The following UTS2B variants were observed in gnomAD, a reference collection of about 807,000 sequenced individuals.
UTS2B encodes urotensin 2B.
A neutral mutation model predicts 19.2 loss-of-function variants in UTS2B; 21 were observed. That is an observed-to-expected ratio of 1.09 (90% CI 0.78 to 1.58). The LOEUF is 1.58. Ranked by LOEUF, UTS2B falls within the 40% of genes most tolerant of loss-of-function variation. The pLI is 0.00. For synonymous variants in UTS2B, 57 were observed against 50.2 expected (o/e 1.14, Z -0.58); for missense variants, 138 against 130.3 (o/e 1.06, Z -0.29).
intron 3 of UTS2B, among the ~76,000 whole-genome samples, chr3:191,310,538 G>A (rs1000524579): frequency 6.6e-6 from 1 of 152,160 alleles, no homozygotes; most frequent in Non-Finnish European, 1.5e-5. Flanking sequence ...TGACATTTGG[G>A]AAAATGCTGC....
rs1717943812 is a variant in UTS2B at position 191,330,506 on chromosome 3, TTAGGTGCTGGATCG to T, written c.-771_-758del. The T allele has an allele frequency of 6.6e-6, 1 of 152,398 alleles. No homozygotes were observed. The highest frequency in any genetic ancestry group is 2.1e-4 in the South Asian group (1 of 4,820). The allele number at this position is 152,398 out of a possible 1,614,324, so 9.4% of individuals were successfully genotyped here. On this transcript the variant is annotated 5_prime_UTR_variant, in exon 1 of 9. Transcript: ENST00000340524. ...GACCTAGCTTTTTTTTGCTGAGATC[TTAGGTGCTGGATCG>T]CCTTATGCCTTGAGTTATCTTTGTT...
At chr3:191,313,236 C>G (rs985476195) in intron 3 of UTS2B, among the ~76,000 whole-genome samples, 4 of 152,140 alleles carry the variant, frequency 2.6e-5, no homozygotes. Context: ...TACAAGTGAT[C>G]CACCCACCTC....
chr3:191,304,146 C>T lies in UTS2B; in HGVS notation c.-125+346G>A, dbSNP rs557117263. Among the ~76,000 whole-genome samples, 15 of 152,196 alleles carry T rather than the reference C, an allele frequency of 9.9e-5. No individual in the cohort carries two copies. In the East Asian group the frequency reaches 2.7e-3, roughly 27 times the overall value. On this transcript the variant is annotated intron_variant, in intron 4 of 8. Transcript: ENST00000340524. The stretch of plus-strand genomic sequence containing the variant: ...CTCATTTTTGTACTTTTAGTAGAGA[C>T]GGGGTTTCACCATGTTGCCCAGGCT...
intron 8 of UTS2B, among the ~76,000 whole-genome samples, chr3:191,274,434 C>T (rs1716174590): frequency 6.6e-6 from 1 of 152,144 alleles, no homozygotes; most frequent in Non-Finnish European, 1.5e-5. Context: ...TCATTATCCG[C>T]ATTTTTAGGC....
At chr3:191,294,630 T>C (rs1283523140) in intron 4 of UTS2B, 1 of 151,870 alleles carries the variant, frequency 6.6e-6, no homozygotes, top group Admixed American at 6.5e-5. Flanking sequence ...GTCTCTTATA[T>C]GTATTCTTCC....
chr3:191,267,725 A>C lies in UTS2B; in HGVS notation c.*691T>G, dbSNP rs1161004032. On this transcript the variant is annotated 3_prime_UTR_variant, in exon 9 of 9. Coordinates refer to ENST00000340524, the MANE Select transcript of UTS2B (RefSeq NM_198152.5). ...GAGATGGTCACATGGGGATGAAGTA[A>C]TTCTTTAACATAACATTTGTATGTA... 1.3e-5 allele frequency: 2 copies of C among 151,620 alleles called. No homozygotes were observed. The highest frequency in any genetic ancestry group is 3.0e-5 in the Non-Finnish European group (2 of 67,640). The allele number at this position is 151,620 out of a possible 1,614,324, so 9.4% of individuals were successfully genotyped here. A position where few individuals can be genotyped will look rare whatever the true frequency, so the allele number is the denominator to read the frequency against.
At chr3:191,283,148 G>A (rs900078717) in intron 4 of UTS2B, among the ~76,000 whole-genome samples, 1 of 152,076 alleles carries the variant, frequency 6.6e-6, no homozygotes, top group African/African-American at 2.4e-5. Flanking sequence ...TTACTAACCC[G>A]TTGCTTTAAT....
chr3:191,289,400 C>T lies in UTS2B; in HGVS notation c.-124-7087G>A, dbSNP rs898167879. ...CTCCGGCCTGGGCAACAGACCAAGA[C>T]TCCATCTCAATAAATAAATAAATAA... On this transcript the variant is annotated intron_variant, in intron 4 of 8. Transcript: ENST00000340524. Among the ~76,000 whole-genome samples, 8 of 139,756 alleles carry T rather than the reference C, an allele frequency of 5.7e-5. No individual in the cohort carries two copies. The South Asian group carries it at 7.3e-4, about 13-fold the overall frequency. The allele number at this position is 139,756 out of a possible 152,430, so 91.7% of individuals were successfully genotyped here.
intron 3 of UTS2B, among the ~76,000 whole-genome samples, chr3:191,312,093 A>G (rs1231319816): frequency 1.3e-5 from 2 of 151,776 alleles, no homozygotes; most frequent in Non-Finnish European, 1.5e-5. Context: ...TGGAGGTTGC[A>G]GCGAGCCGAG....
At chr3:191,279,853 G>GA (rs1716336640) in intron 5 of UTS2B, among the ~76,000 whole-genome samples, 1 of 152,004 alleles carries the variant, frequency 6.6e-6, no homozygotes, top group East Asian at 1.9e-4. Flanking sequence ...AAAAGCAATA[G>GA]AAAATGAGTC....
At chr3:191,316,967 C>G (rs537660309) in intron 2 of UTS2B, among the ~76,000 whole-genome samples, 1 of 152,262 alleles carries the variant, frequency 6.6e-6, no homozygotes. Context: ...GATCCCACGC[C>G]GGGGCTGCCG....
At chr3:191,272,811 A>G (rs1297610366) in intron 8 of UTS2B, among the ~76,000 whole-genome samples, 1 of 150,208 alleles carries the variant, frequency 6.7e-6, no homozygotes, top group Non-Finnish European at 1.5e-5. Flanking sequence ...CAGTGAGCCG[A>G]GGTAGCGTGC....
upstream of UTS2B, among the ~76,000 whole-genome samples, chr3:191,333,497 G>A (rs1365140996): frequency 6.6e-6 from 1 of 152,086 alleles, no homozygotes; most frequent in African/African-American, 2.4e-5. Context: ...CTGGCTACAC[G>A]GCAAACCCAC....
At chr3:191,286,295 A>G (rs1396128063) in intron 4 of UTS2B, among the ~76,000 whole-genome samples, 1 of 152,194 alleles carries the variant, frequency 6.6e-6, no homozygotes, top group African/African-American at 2.4e-5. Context: ...ACAAACATAT[A>G]TAGGACATTT....
upstream of UTS2B, among the ~76,000 whole-genome samples, chr3:191,334,255 C>CT (rs1291841618): frequency 3.9e-5 from 6 of 152,166 alleles, no homozygotes; most frequent in African/African-American, 1.4e-4. Context: ...AAAGAACTGT[C>CT]TGAATTCATA....
intron 2 of UTS2B, among the ~76,000 whole-genome samples, chr3:191,324,733 A>G (rs1336356143): frequency 6.6e-6 from 1 of 152,132 alleles, no homozygotes; most frequent in Non-Finnish European, 1.5e-5. Flanking sequence ...GGCTAATACA[A>G]TGGGGTATAA....
chr3:191,329,759 C>G, intron 1 of UTS2B: 1 of 1,595,934 alleles, frequency 6.3e-7, no homozygotes, highest in Non-Finnish European at 8.5e-7. Context: ...CGGGACCCTC[C>G]CCTCTCCCAG....
intron 4 of UTS2B, among the ~76,000 whole-genome samples, chr3:191,294,256 C>T (rs1421304347): frequency 2.6e-5 from 4 of 151,836 alleles, no homozygotes; most frequent in Non-Finnish European, 2.9e-5. Flanking sequence ...AGAATCATTA[C>T]CTAAGGGGAA....
rs1276602241 is a variant in UTS2B, at chr3:191,289,757, G to A, written c.-124-7444C>T. On this transcript the variant is annotated intron_variant, in intron 4 of 8. Coordinates refer to ENST00000340524, the MANE Select transcript of UTS2B (RefSeq NM_198152.5). ...AAGAAAATGTGAACTATTAGAAGCA[G>A]AGAGGAAAATGGTAGTTACCAGGAG... Among the ~76,000 whole-genome samples the A allele has an allele frequency of 3.3e-5, 5 of 152,302 alleles. No homozygotes were observed. The South Asian group carries it at 8.3e-4, about 25-fold the overall frequency.
Sources: gnomAD v4.1 joint callset for allele counts (sites outside exome capture counted in the v4.1 genomes callset) on GRCh38, gnomAD v4.1.1 for gene constraint, MANE v1.5 for transcripts, NCBI Gene and HGNC (gene_info 2026-07-23, HGNC 2026-07-21) for gene names.